Variants in MON2 observed in about 807,000 individuals in gnomAD.
MON2 encodes the protein protein MON2 homolog.
A neutral mutation model predicts 208.6 loss-of-function variants in MON2; 84 were observed. That is an observed-to-expected ratio of 0.40 (90% CI 0.34 to 0.48). The LOEUF is 0.48. Among genes scored for constraint, MON2 ranks in the 20% least tolerant of loss-of-function variants. The pLI is 0.59. For missense variants in MON2, 1,611 were observed against 2,015.4 expected (o/e 0.80, Z 3.84); for synonymous variants, 660 against 694.0 (o/e 0.95, Z 0.77).
At chr12:62,553,285 T>C in intron 24 of MON2, 111 bp downstream of exon 24, 1 of 1,050,976 alleles carries the variant, frequency 9.5e-7, no homozygotes. Context: ...CATGCATTTG[T>C]GTATTTGACA....
rs1464011326 is a variant in MON2, at chr12:62,553,253, C to A, written c.3210+79C>A. ...AATACTTTTTCAGTTAAACTTATTT[C>A]TTTTAATTTTTAAAGAATTTCCATG... On this transcript the variant is annotated intron_variant, in intron 24 of 34. Transcript: ENST00000393630. 5 of 1,299,246 alleles carry A rather than the reference C, an allele frequency of 3.8e-6. No individual in the cohort carries two copies. The East Asian group carries it at 1.2e-4, about 31-fold the overall frequency. 80.5% of individuals were successfully genotyped at this position (1,299,246 alleles called of 1,614,324 possible). A position where few individuals can be genotyped will look rare whatever the true frequency, so the allele number is the denominator to read the frequency against.
chr12:62,538,419 C>G lies in MON2; in HGVS notation c.2278C>G (p.Leu760Val). ...LSRLFESSQY[L>V]DDVSLHHLIN... is the part of the protein sequence containing the mutation. Reference sequence around the variant, plus strand: ...ATTTCTTCATTTCCTTTTTAGGTATCTTGATGATGTATCACTGCATCATTT... The same window carrying G: ...ATTTCTTCATTTCCTTTTTAGGTATGTTGATGATGTATCACTGCATCATTT... The change falls in exon 19 of 35, where the codon CTT (leucine) becomes GTT (valine). Residue 760 changes from leucine (L) to valine (V), a missense_variant. Transcript: ENST00000393630. The G allele has an allele frequency of 6.2e-7, 1 of 1,607,168 alleles. No homozygotes were observed. The highest frequency in any genetic ancestry group is 8.5e-7 in the Non-Finnish European group (1 of 1,174,244).
intron 8 of MON2, among the ~76,000 whole-genome samples, chr12:62,520,934 C>G (rs1592943579): frequency 6.9e-6 from 1 of 145,978 alleles, no homozygotes; most frequent in African/African-American, 2.5e-5. Flanking sequence ...ACTTATGGGT[C>G]AGATTTAACA....
rs544676753 is a variant in MON2 at position 62,590,480 on chromosome 12, T to C, written c.4991-2106T>C. The stretch of plus-strand genomic sequence containing the variant: ...TATACATGGTCCAAAAATCCAAAAC[T>C]GTAAAATGATATACAGGGGAAAGTT... On this transcript the variant is annotated intron_variant, in intron 34 of 34. Coordinates refer to ENST00000393630, the MANE Select transcript of MON2 (RefSeq NM_015026.3). Among the ~76,000 whole-genome samples, 6 of 152,372 alleles carry C rather than the reference T, an allele frequency of 3.9e-5. No individual in the cohort carries two copies. The East Asian group carries it at 1.2e-3, about 29-fold the overall frequency.
intron 8 of MON2, among the ~76,000 whole-genome samples, chr12:62,513,522 G>A (rs915275041): frequency 1.4e-4 from 21 of 151,694 alleles, no homozygotes; most frequent in African/African-American, 4.6e-4. Context: ...CACTGCGCCC[G>A]GCCTGGGATT....
chr12:62,591,549 G>C (rs2075398429), intron 34 of MON2, among the ~76,000 whole-genome samples: 1 of 152,184 alleles, frequency 6.6e-6, no homozygotes, highest in Non-Finnish European at 1.5e-5. Context: ...TTGATATGAA[G>C]AATTAGTCTC....
rs1194825373 is a variant in MON2, at chr12:62,594,679, A to T, written c.*1930A>T. 1.3e-5 allele frequency: 2 copies of T among 152,264 alleles called. No individual in the cohort carries two copies. Among genetic ancestry groups the T allele is most frequent in the African/African-American group, 2.4e-5 (1 of 41,464 alleles). 9.4% of individuals were successfully genotyped at this position (152,264 alleles called of 1,614,324 possible). ...AAATAAAAGATCAGTTGCAATTAGGATAATTAAATAGTTAAATATGAGTCA... is the reference window on the plus strand; with the variant it reads ...AAATAAAAGATCAGTTGCAATTAGGTTAATTAAATAGTTAAATATGAGTCA... On this transcript the variant is annotated 3_prime_UTR_variant, in exon 35 of 35. Transcript: ENST00000393630.
chr12:62,574,159 A>T (rs2074695933), intron 30 of MON2, among the ~76,000 whole-genome samples: 1 of 152,218 alleles, frequency 6.6e-6, no homozygotes, highest in African/African-American at 2.4e-5. Context: ...TAAATCACTT[A>T]AAATGAATGA....
chr12:62,588,368 C>T (rs2075286482), intron 34 of MON2, among the ~76,000 whole-genome samples: 1 of 130,248 alleles, frequency 7.7e-6, no homozygotes, highest in East Asian at 2.2e-4. Context: ...AGCAGTCTAC[C>T]TTACTTTTTT....
intron 1 of MON2, among the ~76,000 whole-genome samples, chr12:62,479,205 A>G (rs1346198955): frequency 6.6e-6 from 1 of 152,230 alleles, no homozygotes; most frequent in African/African-American, 2.4e-5. Flanking sequence ...CCATGAAATT[A>G]CAGCCATCCT....
chr12:62,490,562 A>T (rs961346510), intron 2 of MON2, among the ~76,000 whole-genome samples: 1 of 152,076 alleles, frequency 6.6e-6, no homozygotes, highest in Non-Finnish European at 1.5e-5. Flanking sequence ...TTGGACTATT[A>T]CCACTTTTTA....
chr12:62,556,259 G>C (rs1203100102), intron 25 of MON2, 67 bp downstream of exon 25: 1 of 1,380,370 alleles, frequency 7.2e-7, no homozygotes, highest in East Asian at 2.5e-5. Flanking sequence ...AAATACAGAC[G>C]ATTCTTTTAG....
At chr12:62,492,771 G>C (rs2070234303) in intron 2 of MON2, among the ~76,000 whole-genome samples, 1 of 148,558 alleles carries the variant, frequency 6.7e-6, no homozygotes, top group Admixed American at 6.7e-5. Context: ...ACGAGGTCAG[G>C]AGATCGAGAC....
At chr12:62,478,850 C>A (rs2069237844) in intron 1 of MON2, among the ~76,000 whole-genome samples, 1 of 152,014 alleles carries the variant, frequency 6.6e-6, no homozygotes, top group Non-Finnish European at 1.5e-5. Flanking sequence ...GAGTGTTGAA[C>A]TAAAGTGTGG....
chr12:62,501,770 G>A lies in MON2; in HGVS notation c.789+72G>A, dbSNP rs1222313206. The A allele has an allele frequency of 1.5e-5, 24 of 1,560,770 alleles. No homozygotes were observed. Among genetic ancestry groups the A allele is most frequent in the African/African-American group, 8.1e-5 (6 of 73,750 alleles). ...TACAGATATTTTTAAAGAAAGCAAC[G>A]TGTATTTTTTTTCCACCTTAAAAGT... On this transcript the variant is annotated intron_variant, in intron 7 of 34. Coordinates refer to ENST00000393630, the MANE Select transcript of MON2 (RefSeq NM_015026.3).
At chr12:62,512,306 T>C (rs922887260) in intron 8 of MON2, among the ~76,000 whole-genome samples, 9 of 152,226 alleles carry the variant, frequency 5.9e-5, no homozygotes, top group Non-Finnish European at 1.2e-4. Context: ...CTTCTGCCTA[T>C]GAGCCTGTAA....
At chr12:62,491,923 C>A (rs186674644) in intron 2 of MON2, among the ~76,000 whole-genome samples, 1 of 152,258 alleles carries the variant, frequency 6.6e-6, no homozygotes, top group Non-Finnish European at 1.5e-5. Context: ...TTTATTGAAG[C>A]TTTATGAGGA....
At chr12:62,585,119 A>C (rs1032370765) in intron 32 of MON2, among the ~76,000 whole-genome samples, 175 bp from the exon 33 acceptor site, 17 of 133,724 alleles carry the variant, frequency 1.3e-4, no homozygotes, top group Non-Finnish European at 2.5e-4. Flanking sequence ...ACAAAACAAA[A>C]AAAAACAAAA....
intron 30 of MON2, among the ~76,000 whole-genome samples, chr12:62,575,110 A>G (rs535432498): frequency 4.6e-5 from 7 of 152,318 alleles, no homozygotes; most frequent in African/African-American, 9.6e-5. Flanking sequence ...TGGGCAACAG[A>G]GTGAGACCCT....
Sources: gnomAD v4.1 joint callset for allele counts (sites outside exome capture counted in the v4.1 genomes callset) on GRCh38, gnomAD v4.1.1 for gene constraint, MANE v1.5 for transcripts, NCBI Gene and HGNC (gene_info 2026-07-23, HGNC 2026-07-21) for gene names.